Variants in STK39 observed in about 807,000 individuals in gnomAD.
STK39 encodes the protein serine/threonine kinase 39.
In STK39, 20 loss-of-function variants were observed where a neutral mutation model predicts 77.8. The observed-to-expected ratio is 0.26, with a 90% CI of 0.18 to 0.37. The LOEUF (loss-of-function observed/expected upper bound fraction) is 0.37, where lower values mean the gene tolerates loss of function less well. Ranked by LOEUF, STK39 falls within the 10% of genes least tolerant of loss-of-function variation. The pLI is 1.00. For missense variants in STK39, 479 were observed against 656.5 expected, an observed-to-expected ratio of 0.73 and a Z score of 2.95; for synonymous variants, 246 against 234.1, an observed-to-expected ratio of 1.05 and a Z score of -0.47.
intron 1 of STK39, among the ~76,000 whole-genome samples, chr2:168,241,803 C>T (rs1276586847): frequency 2.6e-5 from 4 of 152,222 alleles, no homozygotes; most frequent in Admixed American, 2.6e-4. Flanking sequence ...GTGCCAGGCA[C>T]GATTCTCAGT....
chr2:168,160,979 A>G (rs548318117), intron 5 of STK39, among the ~76,000 whole-genome samples: 3 of 152,244 alleles, frequency 2.0e-5, no homozygotes, highest in East Asian at 3.9e-4. Flanking sequence ...AAGAATTGCC[A>G]AAGATTGATA....
intron 12 of STK39, among the ~76,000 whole-genome samples, chr2:168,070,669 C>T (rs1025155448): frequency 6.8e-6 from 1 of 147,742 alleles, no homozygotes; most frequent in African/African-American, 2.5e-5. Flanking sequence ...TTGTTCAATT[C>T]CCACCTATAA....
At chr2:168,171,940 A>G (rs1688840211) in intron 2 of STK39, among the ~76,000 whole-genome samples, 1 of 138,118 alleles carries the variant, frequency 7.2e-6, no homozygotes, top group Non-Finnish European at 1.5e-5. Context: ...CAAGGATCTG[A>G]TCCTCCAGGA....
chr2:168,077,072 G>T (rs931434772), intron 10 of STK39, among the ~76,000 whole-genome samples: 1 of 152,112 alleles, frequency 6.6e-6, no homozygotes, highest in Non-Finnish European at 1.5e-5. Context: ...TGAAAAGGAA[G>T]AATTTAAAGC....
chr2:168,234,263 A>G (rs1690539061), intron 1 of STK39, among the ~76,000 whole-genome samples: 1 of 152,360 alleles, frequency 6.6e-6, no homozygotes, highest in East Asian at 1.9e-4. Flanking sequence ...GAAACAGTCT[A>G]TATCTGCACT....
chr2:168,192,296 A>G (rs1468730639), intron 1 of STK39, among the ~76,000 whole-genome samples: 1 of 152,128 alleles, frequency 6.6e-6, no homozygotes, highest in East Asian at 1.9e-4. Flanking sequence ...GATTCTAGGA[A>G]GGTCTATCTG....
chr2:168,101,499 A>G (rs1421956263), intron 10 of STK39, among the ~76,000 whole-genome samples: 1 of 152,166 alleles, frequency 6.6e-6, no homozygotes, highest in Non-Finnish European at 1.5e-5. Context: ...GCACTTTGGG[A>G]GGATGAGGCA....
chr2:168,179,776 G>C (rs1341056761), intron 2 of STK39, among the ~76,000 whole-genome samples: 3 of 152,094 alleles, frequency 2.0e-5, no homozygotes, highest in African/African-American at 7.2e-5. Flanking sequence ...GAAAACAAAG[G>C]AAAGAAACCA....
intron 14 of STK39, among the ~76,000 whole-genome samples, chr2:168,046,022 G>A (rs1360587066): frequency 6.6e-6 from 1 of 152,086 alleles, no homozygotes; most frequent in Admixed American, 6.5e-5. Context: ...ACCTGCTTAG[G>A]GAGCAGACAT....
At chr2:167,978,823 T>C (rs570562126) in intron 16 of STK39, among the ~76,000 whole-genome samples, 5 of 152,310 alleles carry the variant, frequency 3.3e-5, no homozygotes, top group African/African-American at 1.2e-4. Context: ...TCTGTCACTA[T>C]AGATTAGTTT....
intron 14 of STK39, among the ~76,000 whole-genome samples, chr2:168,059,856 C>G (rs1685616924): frequency 6.6e-6 from 1 of 152,138 alleles, no homozygotes; most frequent in African/African-American, 2.4e-5. Flanking sequence ...GTATATCATA[C>G]AACCAATTTG....
At chr2:168,236,855 T>C (rs1446401202) in intron 1 of STK39, among the ~76,000 whole-genome samples, 1 of 152,180 alleles carries the variant, frequency 6.6e-6, no homozygotes, top group African/African-American at 2.4e-5. Context: ...ACTGTAGCCT[T>C]GTAGGATAGT....
intron 1 of STK39, among the ~76,000 whole-genome samples, chr2:168,199,631 G>A (rs957738659): frequency 6.6e-6 from 1 of 151,610 alleles, no homozygotes; most frequent in African/African-American, 2.4e-5. Flanking sequence ...AGGTTCAAGC[G>A]ATTCTGCCGA....
intron 1 of STK39, among the ~76,000 whole-genome samples, chr2:168,201,730 C>A (rs1277259631): frequency 6.6e-6 from 1 of 152,092 alleles, no homozygotes; most frequent in East Asian, 1.9e-4. Flanking sequence ...CTTCCAAGAC[C>A]CACTGAGAAT....
intron 14 of STK39, among the ~76,000 whole-genome samples, chr2:168,018,538 AAAAGAAAGAAAGAAAGAAAG>A (rs60121657): frequency 1.4e-3 from 118 of 85,486 alleles, no homozygotes; most frequent in Non-Finnish European, 1.8e-3. Flanking sequence ...GAAAAGAAAG[AAAAGAAAGAAAGAAAGAAAG>A]AAAGAAAGAA....
At chr2:167,964,822 A>G in intron 16 of STK39, 96 bp from the exon 17 acceptor site, 1 of 1,018,008 alleles carries the variant, frequency 9.8e-7, no homozygotes. Context: ...TAATGATGCA[A>G]TAAACTGCAA....
chr2:167,955,412 G>A lies in STK39; in HGVS notation c.*84C>T, dbSNP rs937494978. Reference sequence around the variant, plus strand: ...GGAAATGGGAGTGAGGGGGTGGGAGGAAATGGGCAGAAAGAGGGAGGGTTG... The same window carrying A: ...GGAAATGGGAGTGAGGGGGTGGGAGAAAATGGGCAGAAAGAGGGAGGGTTG... On this transcript the variant is annotated 3_prime_UTR_variant, in exon 18 of 18. Coordinates refer to ENST00000355999, the MANE Select transcript of STK39 (RefSeq NM_013233.3). 4.5e-6 allele frequency: 6 copies of A among 1,346,954 alleles called. No homozygotes were observed. Among genetic ancestry groups the A allele is most frequent in the Non-Finnish European group, 5.2e-6 (5 of 964,848 alleles). The allele number at this position is 1,346,954 out of a possible 1,614,324, so 83.4% of individuals were successfully genotyped here.
intron 10 of STK39, among the ~76,000 whole-genome samples, chr2:168,085,291 G>C (rs1270307075): frequency 1.3e-5 from 2 of 152,214 alleles, no homozygotes; most frequent in African/African-American, 4.8e-5. Context: ...AAGAGCCTTA[G>C]AAAACAGCAA....
At chr2:168,063,661 C>A in intron 13 of STK39, 91 bp from the exon 14 acceptor site, 1 of 1,248,546 alleles carries the variant, frequency 8.0e-7, no homozygotes. Context: ...ATAGCCATTT[C>A]TTTCTGGAAA....
Sources: allele counts gnomAD v4.1 joint callset (sites outside exome capture counted in the v4.1 genomes callset), GRCh38; gene constraint gnomAD v4.1.1; transcripts MANE v1.5; gene names NCBI Gene and HGNC (gene_info 2026-07-23, HGNC 2026-07-21).